The following MBNL3 variants were observed in gnomAD, a reference collection of about 807,000 sequenced individuals.
MBNL3 encodes the protein muscleblind-like protein 3.
Under a neutral mutation model 24.5 loss-of-function variants are expected in MBNL3, and 6 were observed. That is an observed-to-expected ratio of 0.25 (90% CI 0.13 to 0.48). MBNL3 has a LOEUF of 0.48. Ranked by LOEUF, MBNL3 falls within the 20% of genes least tolerant of loss-of-function variation. The pLI is 0.99. For synonymous variants in MBNL3, 100 were observed against 101.7 expected (o/e 0.98, Z 0.10); for missense variants, 230 against 293.5 (o/e 0.78, Z 1.58).
intron 2 of MBNL3, chrX:132,411,416 C>T: frequency 1.3e-6 from 1 of 753,993 alleles, no homozygotes; most frequent in Non-Finnish European, 1.6e-6. Flanking sequence ...TGAAATAGCC[C>T]ACTAAGATAA....
chrX:132,465,942 T>A (rs981984311), intron 1 of MBNL3, among the ~76,000 whole-genome samples: 2 of 111,993 alleles, frequency 1.8e-5, no homozygotes, highest in Admixed American at 1.9e-4. Flanking sequence ...CCCAAAATAA[T>A]TTTCTCACTG....
intron 3 of MBNL3, among the ~76,000 whole-genome samples, chrX:132,397,971 G>T (rs749255633): frequency 9.0e-6 from 1 of 110,989 alleles, no homozygotes; most frequent in Non-Finnish European, 1.9e-5. Flanking sequence ...GCTGATAGTG[G>T]TGTTTAAGTA....
chrX:132,475,287 C>G (rs1947377686), intron 1 of MBNL3, among the ~76,000 whole-genome samples: 1 of 111,958 alleles, frequency 8.9e-6, no homozygotes, highest in African/African-American at 3.2e-5. Context: ...GTGAAAGCAG[C>G]CTTTTGTTAC....
At chrX:132,414,043 G>T (rs751441221) in intron 2 of MBNL3, among the ~76,000 whole-genome samples, 1 of 111,888 alleles carries the variant, frequency 8.9e-6, no homozygotes, top group Non-Finnish European at 1.9e-5. Flanking sequence ...ACACATAAGC[G>T]CTATAAAGGT....
chrX:132,384,932 T>C (rs898289646), intron 6 of MBNL3, among the ~76,000 whole-genome samples: 1 of 112,047 alleles, frequency 8.9e-6, no homozygotes, highest in Non-Finnish European at 1.9e-5. Context: ...TAATTTTTCT[T>C]TAAAAGAATT....
At chrX:132,475,163 C>T (rs772160503) in intron 1 of MBNL3, among the ~76,000 whole-genome samples, 2 of 111,691 alleles carry the variant, frequency 1.8e-5, no homozygotes, top group Non-Finnish European at 3.8e-5. Context: ...TTCTACATGG[C>T]TTTCACTAGC....
intron 1 of MBNL3, among the ~76,000 whole-genome samples, chrX:132,487,279 T>G (rs1364418813): frequency 3.6e-5 from 4 of 111,484 alleles, no homozygotes; most frequent in Non-Finnish European, 5.6e-5. Flanking sequence ...AGAAGTTGCT[T>G]TTTCTCATCC....
rs1433766687 is a variant in MBNL3 at position 132,396,469 on chromosome X, TATATATTC to T, written c.343-4143_343-4136del. Among the ~76,000 whole-genome samples the T allele has an allele frequency of 6.5e-5, 5 of 77,425 alleles. No individual in the cohort carries two copies. The East Asian group carries it at 1.9e-3, about 30-fold the overall frequency. The allele number at this position is 77,425 out of a possible 115,157, so 67.2% of individuals were successfully genotyped here. Reference sequence around the variant, plus strand: ...ATATATTCCTATATATATATTCCTATATATATTCATATATATTCCTATATATATTCCTA... The same window carrying T: ...ATATATTCCTATATATATATTCCTATATATATATTCCTATATATATTCCTA... On this transcript the variant is annotated intron_variant, in intron 3 of 8. Coordinates refer to ENST00000370853, the MANE Select transcript of MBNL3 (RefSeq NM_001386889.1).
Position 132,376,294 on chromosome X carries a change from T to A in MBNL3, c.*3372A>T, listed in dbSNP as rs1230777308. The A allele has an allele frequency of 1.8e-5, 2 of 112,171 alleles. No homozygotes were observed. The highest frequency in any genetic ancestry group is 5.5e-4 in the East Asian group (2 of 3,610). The allele number at this position is 112,171 out of a possible 1,213,427, so 9.2% of individuals were successfully genotyped here. On this transcript the variant is annotated 3_prime_UTR_variant, in exon 9 of 9. Coordinates refer to ENST00000370853, the MANE Select transcript of MBNL3 (RefSeq NM_001386889.1). ...AATGCCACAGCTGGTTGTGGAATCA[T>A]GCTTCAATTACAAAAGTAAATACTG...
intron 1 of MBNL3, among the ~76,000 whole-genome samples, chrX:132,457,098 TACA>T (rs751019210): frequency 2.7e-5 from 3 of 111,936 alleles, no homozygotes; most frequent in East Asian, 5.6e-4. Context: ...GCTATAATAC[TACA>T]ACAAGATTGT....
At chrX:132,479,641 T>C (rs939082871) in intron 1 of MBNL3, among the ~76,000 whole-genome samples, 3 of 111,706 alleles carry the variant, frequency 2.7e-5, no homozygotes, top group Non-Finnish European at 5.6e-5. Context: ...ATCCCTGGAT[T>C]ACTGAATATT....
Position 132,390,833 on chromosome X carries a change from A to G in MBNL3, c.771+14T>C. ...TTACTCTGAAACAGGCCACAAGTGC[A>G]GGCCTTTTCTTACCATGGCAGAGGC... is the stretch of plus-strand genomic sequence containing the variant. On this transcript the variant is annotated intron_variant, in intron 5 of 8. Transcript: ENST00000370853. 1 of 1,180,561 alleles carries G rather than the reference A, an allele frequency of 8.5e-7. No individual in the cohort carries two copies. The highest frequency in any genetic ancestry group is 1.8e-5 in the South Asian group (1 of 56,138).
At chrX:132,400,520 C>T (rs1450650887) in intron 3 of MBNL3, among the ~76,000 whole-genome samples, 1 of 111,726 alleles carries the variant, frequency 9.0e-6, no homozygotes, top group Non-Finnish European at 1.9e-5. Flanking sequence ...GCTTAGACCA[C>T]TGGGTGGGGA....
intron 2 of MBNL3, among the ~76,000 whole-genome samples, chrX:132,424,255 G>C (rs1276430110): frequency 8.9e-6 from 1 of 112,031 alleles, no homozygotes; most frequent in Non-Finnish European, 1.9e-5. Flanking sequence ...TAGATACTAT[G>C]GAAGAAATGA....
intron 3 of MBNL3, among the ~76,000 whole-genome samples, chrX:132,396,549 T>C (rs1281844045): frequency 8.6e-5 from 2 of 23,367 alleles, no homozygotes; most frequent in East Asian, 1.6e-3. Flanking sequence ...TATATTCCTA[T>C]ATATTCCTAT....
intron 2 of MBNL3, chrX:132,430,021 C>T (rs1172594512): frequency 9.0e-6 from 1 of 111,098 alleles, no homozygotes; most frequent in African/African-American, 3.3e-5. Context: ...TATGTATGAG[C>T]GCTTTCTTAA....
At chrX:132,470,806 A>G (rs1947140783) in intron 1 of MBNL3, among the ~76,000 whole-genome samples, 1 of 111,894 alleles carries the variant, frequency 8.9e-6, no homozygotes, top group Non-Finnish European at 1.9e-5. Context: ...TCATTCAAGC[A>G]GCACTATCTT....
chrX:132,387,965 A>T (rs959857357), intron 5 of MBNL3, among the ~76,000 whole-genome samples: 4 of 108,299 alleles, frequency 3.7e-5, no homozygotes, highest in African/African-American at 6.7e-5. Flanking sequence ...ATTACTTTAC[A>T]TTTTTTTTTT....
chrX:132,414,542 C>T (rs1943117509), intron 2 of MBNL3, among the ~76,000 whole-genome samples: 1 of 111,700 alleles, frequency 9.0e-6, no homozygotes, highest in Non-Finnish European at 1.9e-5. Flanking sequence ...TTATATTCCT[C>T]TCTTGTAGGC....
Sources: gnomAD v4.1 joint callset for allele counts (sites outside exome capture counted in the v4.1 genomes callset) on GRCh38, gnomAD v4.1.1 for gene constraint, MANE v1.5 for transcripts, NCBI Gene and HGNC (gene_info 2026-07-23, HGNC 2026-07-21) for gene names.